The following KAZN variants were observed in gnomAD, a reference collection of about 807,000 sequenced individuals.
The protein encoded by KAZN is kazrin.
In KAZN, 40 loss-of-function variants were observed where a neutral mutation model predicts 87.4. The ratio of observed to expected loss-of-function variants is 0.46; its 90% confidence interval spans 0.36 to 0.60. The LOEUF (loss-of-function observed/expected upper bound fraction) is 0.60. Among genes scored for constraint, KAZN ranks in the 20% least tolerant of loss-of-function variants. The probability of loss-of-function intolerance (pLI) is 0.00; values close to 1 mark genes in which losing one functional copy is unlikely to be tolerated. For synonymous variants in KAZN, 466 were observed against 458.3 expected (o/e 1.02, Z -0.22); for missense variants, 898 against 1,073.9 (o/e 0.84, Z 2.29).
At chr1:14,742,754 G>A (rs1644144395) in intron 1 of KAZN, among the ~76,000 whole-genome samples, 1 of 152,222 alleles carries the variant, frequency 6.6e-6, no homozygotes, top group African/African-American at 2.4e-5. Flanking sequence ...TAGCTGTTGA[G>A]CACAGTTCAA....
At chr1:14,303,593 C>T (rs1654711319) in intron 2 of KAZN, among the ~76,000 whole-genome samples, 1 of 152,158 alleles carries the variant, frequency 6.6e-6, no homozygotes, top group Admixed American at 6.5e-5. Flanking sequence ...TGATACACAA[C>T]AAAGTATGAA....
chr1:13,983,747 C>T (rs1557763237), intron 1 of KAZN, among the ~76,000 whole-genome samples: 1 of 152,262 alleles, frequency 6.6e-6, no homozygotes, highest in Non-Finnish European at 1.5e-5. Context: ...TCTTTTCCTT[C>T]TTTTGATATC....
chr1:14,781,172 A>C (rs1221322129), intron 1 of KAZN, among the ~76,000 whole-genome samples: 2 of 152,184 alleles, frequency 1.3e-5, no homozygotes, highest in East Asian at 3.9e-4. Context: ...AATACAAAAA[A>C]TTAGCCGGGC....
intron 1 of KAZN, among the ~76,000 whole-genome samples, chr1:13,957,958 C>G (rs951886397): frequency 1.3e-5 from 2 of 152,148 alleles, no homozygotes; most frequent in African/African-American, 4.8e-5. Flanking sequence ...ATCCAGGGAA[C>G]AGGAAACGGA....
At chr1:13,948,974 T>C (rs1312438768) in intron 1 of KAZN, among the ~76,000 whole-genome samples, 2 of 152,130 alleles carry the variant, frequency 1.3e-5, no homozygotes, top group Non-Finnish European at 2.9e-5. Context: ...GACTCAGATG[T>C]CCCAGCATCG....
chr1:14,304,942 G>GT (rs35013885), intron 2 of KAZN, among the ~76,000 whole-genome samples: 2,958 of 144,372 alleles, frequency 0.02, 32 homozygotes, highest in South Asian at 0.032. Context: ...GCCAAAGCTA[G>GT]TTTTTTTTTT....
chr1:14,439,820 A>T (rs1186841423), intron 2 of KAZN, among the ~76,000 whole-genome samples: 3 of 152,018 alleles, frequency 2.0e-5, no homozygotes, highest in Non-Finnish European at 1.5e-5. Flanking sequence ...CACATCACCA[A>T]CGCTGACCTC....
intron 1 of KAZN, among the ~76,000 whole-genome samples, chr1:13,933,283 A>G (rs889916005): frequency 4.6e-5 from 7 of 152,044 alleles, no homozygotes; most frequent in African/African-American, 1.4e-4. Context: ...ACATGAGGTC[A>G]GGAGTTCGAG....
At chr1:13,958,871 C>G (rs1399342556) in intron 1 of KAZN, among the ~76,000 whole-genome samples, 1 of 152,118 alleles carries the variant, frequency 6.6e-6, no homozygotes, top group Non-Finnish European at 1.5e-5. Flanking sequence ...AATGCAGGAG[C>G]TAGGCTGCTC....
At chr1:13,963,933 G>A (rs940053843) in intron 1 of KAZN, among the ~76,000 whole-genome samples, 2 of 152,138 alleles carry the variant, frequency 1.3e-5, no homozygotes, top group East Asian at 3.8e-4. Flanking sequence ...ACCTCTCTGA[G>A]TCTTAGCTGT....
chr1:14,388,305 G>A lies in KAZN; in HGVS notation c.249+207713G>A, dbSNP rs542242369. Among the ~76,000 whole-genome samples the A allele has an allele frequency of 9.2e-5, 14 of 152,308 alleles. No individual in the cohort carries two copies. In the South Asian group the frequency reaches 1.2e-3, roughly 14 times the overall value. On this transcript the variant is annotated intron_variant, in intron 2 of 16. Transcript: ENST00000636203. Reference sequence around the variant, plus strand: ...TTGCTCACGCTGGGAGCTGTAGACCGGAGCTGTTTCTATTCAGACATCTTG... The same window carrying A: ...TTGCTCACGCTGGGAGCTGTAGACCAGAGCTGTTTCTATTCAGACATCTTG...
chr1:14,367,352 C>A (rs910394127), intron 2 of KAZN, among the ~76,000 whole-genome samples: 2 of 152,180 alleles, frequency 1.3e-5, no homozygotes, highest in Non-Finnish European at 2.9e-5. Context: ...CACTGTCAAG[C>A]TGTCCCTCTG....
At chr1:14,149,322 T>C (rs1336831997) in intron 1 of KAZN, among the ~76,000 whole-genome samples, 1 of 151,408 alleles carries the variant, frequency 6.6e-6, no homozygotes, top group African/African-American at 2.4e-5. Context: ...TTAGCCAGGA[T>C]GGTCTCGATC....
chr1:14,924,244 G>C, intron 1 of KAZN: 1 of 981,902 alleles, frequency 1.0e-6, no homozygotes, highest in Non-Finnish European at 1.2e-6. Flanking sequence ...CCGGCCGGGC[G>C]GGAGGCGGGG....
chr1:15,037,441 G>A (rs1173437139), intron 3 of KAZN, among the ~76,000 whole-genome samples: 6 of 152,082 alleles, frequency 3.9e-5, no homozygotes, highest in East Asian at 3.9e-4. Context: ...GGGGTGGCTC[G>A]GGCAAACAGC....
intron 8 of KAZN, among the ~76,000 whole-genome samples, chr1:15,076,952 A>G (rs1368088326): frequency 1.3e-5 from 2 of 151,978 alleles, no homozygotes; most frequent in African/African-American, 4.8e-5. Context: ...TACGCCACAA[A>G]CTCAGAGGCC....
intron 1 of KAZN, among the ~76,000 whole-genome samples, chr1:14,727,112 T>C (rs1643418972): frequency 6.6e-6 from 1 of 150,920 alleles, no homozygotes; most frequent in South Asian, 2.1e-4. Flanking sequence ...TTGAGGTTTT[T>C]AAATATATAT....
At chr1:14,250,906 A>AT (rs35354610) in intron 2 of KAZN, among the ~76,000 whole-genome samples, 49,061 of 151,846 alleles carry the variant, frequency 0.32, 8,106 homozygotes, top group Middle Eastern at 0.43. Context: ...AAGAAAAAAA[A>AT]AATCGATGGT....
chr1:14,110,001 G>A (rs1377541116), intron 1 of KAZN, among the ~76,000 whole-genome samples: 3 of 134,642 alleles, frequency 2.2e-5, no homozygotes, highest in Non-Finnish European at 3.2e-5. Context: ...GTTCTCAGCT[G>A]GATCCTGGTG....
Sources: allele counts gnomAD v4.1 joint callset (sites outside exome capture counted in the v4.1 genomes callset), GRCh38; gene constraint gnomAD v4.1.1; transcripts MANE v1.5; gene names NCBI Gene and HGNC (gene_info 2026-07-23, HGNC 2026-07-21).